Variants in GLIS3 observed in about 807,000 individuals in gnomAD.
GLIS3 encodes zinc finger protein GLIS3.
In GLIS3, 53 loss-of-function variants were observed where a neutral mutation model predicts 78.6. The ratio of observed to expected loss-of-function variants is 0.67; its 90% CI spans 0.54 to 0.85. GLIS3 has a LOEUF of 0.85. Among genes scored for constraint, GLIS3 ranks in the 40% least tolerant of loss-of-function variants. GLIS3 has a pLI of 0.00. For synonymous variants in GLIS3, 684 were observed against 509.9 expected, an observed-to-expected ratio of 1.34 and a Z score of -4.60; for missense variants, 1,703 against 1,231.1, an observed-to-expected ratio of 1.38 and a Z score of -5.74.
chr9:4,008,717 C>A (rs1821754677), intron 4 of GLIS3, among the ~76,000 whole-genome samples: 1 of 152,126 alleles, frequency 6.6e-6, no homozygotes, highest in African/African-American at 2.4e-5. Flanking sequence ...GAGCCACAGG[C>A]TGGGAATCTG....
upstream of GLIS3, among the ~76,000 whole-genome samples, chr9:4,300,564 G>A (rs1817025559): frequency 6.6e-6 from 1 of 152,102 alleles, no homozygotes; most frequent in Non-Finnish European, 1.5e-5. Context: ...GTATAGGCAG[G>A]GAAGAGAGGA....
At chr9:4,203,392 G>T (rs987150915) in intron 2 of GLIS3, among the ~76,000 whole-genome samples, 5 of 152,184 alleles carry the variant, frequency 3.3e-5, no homozygotes, top group African/African-American at 1.2e-4. Context: ...ATGCAATTTC[G>T]TTTAGCAACT....
At chr9:4,168,700 G>A (rs144597062) in intron 2 of GLIS3, among the ~76,000 whole-genome samples, 1,565 of 152,234 alleles carry the variant, frequency 0.01, 8 homozygotes, top group Non-Finnish European at 0.015. Flanking sequence ...TGTTGTAACT[G>A]TCCTCCAAAC....
the GLIS3 span, among the ~76,000 whole-genome samples, chr9:4,365,424 G>A: frequency 6.6e-6 from 1 of 152,118 alleles, no homozygotes; most frequent in South Asian, 2.1e-4. Flanking sequence ...TGGCATGGTG[G>A]CGGGTGCCTA....
chr9:4,361,463 A>G, the GLIS3 span, among the ~76,000 whole-genome samples: 2 of 152,246 alleles, frequency 1.3e-5, no homozygotes, highest in African/African-American at 4.8e-5. Flanking sequence ...AACAGTTCAT[A>G]TAAATACAAT....
chr9:4,385,020 C>T, the GLIS3 span, among the ~76,000 whole-genome samples: 33 of 152,316 alleles, frequency 2.2e-4, no homozygotes, highest in African/African-American at 7.7e-4. Flanking sequence ...GCAGATGCCT[C>T]AGCCTTTTAG....
intron 4 of GLIS3, among the ~76,000 whole-genome samples, chr9:3,946,676 G>A (rs1816315838): frequency 6.6e-6 from 1 of 152,166 alleles, no homozygotes; most frequent in African/African-American, 2.4e-5. Flanking sequence ...AACAACTTGT[G>A]AAGTAAGTGA....
At chr9:4,234,991 T>C (rs546143949) in intron 2 of GLIS3, among the ~76,000 whole-genome samples, 2 of 152,176 alleles carry the variant, frequency 1.3e-5, no homozygotes, top group African/African-American at 4.8e-5. Flanking sequence ...TGCACCTCAC[T>C]GGACTTAATA....
At chr9:4,294,994 AGTTTAATTACAG>A (rs1346782110) in intron 1 of GLIS3, among the ~76,000 whole-genome samples, 1 of 152,224 alleles carries the variant, frequency 6.6e-6, no homozygotes, top group Non-Finnish European at 1.5e-5. Flanking sequence ...TTATGGAACC[AGTTTAATTACAG>A]TTGCATGTTT....
intron 4 of GLIS3, among the ~76,000 whole-genome samples, chr9:4,086,929 T>A (rs187743642): frequency 1.3e-5 from 2 of 152,308 alleles, no homozygotes; most frequent in South Asian, 2.1e-4. Context: ...GTCCTCCACA[T>A]TGGACCTTGA....
the GLIS3 span, among the ~76,000 whole-genome samples, chr9:4,481,558 T>A: frequency 6.6e-6 from 1 of 151,802 alleles, no homozygotes; most frequent in Non-Finnish European, 1.5e-5. Flanking sequence ...TTTTCCAGTG[T>A]AATTCATTTC....
chr9:3,962,928 A>C (rs1448050376), intron 4 of GLIS3, among the ~76,000 whole-genome samples: 3 of 142,172 alleles, frequency 2.1e-5, no homozygotes, highest in Non-Finnish European at 4.6e-5. Flanking sequence ...AATGTCCAAC[A>C]AGATCTGCTG....
At chr9:3,971,638 G>A (rs1242601842) in intron 4 of GLIS3, among the ~76,000 whole-genome samples, 1 of 152,064 alleles carries the variant, frequency 6.6e-6, no homozygotes, top group Non-Finnish European at 1.5e-5. Context: ...CTAACCCACG[G>A]TACACACAGT....
At chr9:3,872,427 G>A (rs1195744493) in intron 8 of GLIS3, among the ~76,000 whole-genome samples, 5 of 152,150 alleles carry the variant, frequency 3.3e-5, no homozygotes, top group African/African-American at 4.8e-5. Flanking sequence ...CCAAGACTGG[G>A]CAATTTACAA....
At chr9:4,064,422 A>G (rs1256734291) in intron 4 of GLIS3, among the ~76,000 whole-genome samples, 1 of 152,248 alleles carries the variant, frequency 6.6e-6, no homozygotes, top group Non-Finnish European at 1.5e-5. Context: ...CACAGAAATG[A>G]TACTTACATA....
rs145781852 is a variant in GLIS3 at position 3,897,349 on chromosome 9, C to G, written c.2128+1342G>C. 4.9e-3 allele frequency among the ~76,000 whole-genome samples: 742 copies of G among 152,134 alleles called. 3 individuals carry two copies. Among genetic ancestry groups the G allele is most frequent in the Middle Eastern group, 0.027 (8 of 294 alleles). ...TTTATAGGCTGTTTAAAATTGTTTG[C>G]TAATTTAATGTGCTGAAATAAATGT... On this transcript the variant is annotated intron_variant, in intron 7 of 10. Transcript: ENST00000381971.
In GLIS3 at chr9:4,286,408, G is replaced by C; in HGVS notation, c.18C>G (p.Cys6Trp). The C allele has an allele frequency of 1.9e-6, 3 of 1,614,086 alleles. No individual in the cohort carries two copies. Among genetic ancestry groups the C allele is most frequent in the South Asian group, 1.1e-5 (1 of 91,070 alleles). MNGRS[C>W]SMSLHRTSGT... Reference sequence around the variant, plus strand: ...CCGATGTCCGGTGGAGACTCATGCTGCATGATCTTCCATTCATTCTGAAAA... The same window carrying C: ...CCGATGTCCGGTGGAGACTCATGCTCCATGATCTTCCATTCATTCTGAAAA... Residue 6 changes from cysteine (C) to tryptophan (W), a missense_variant, in exon 2 of 11, where the codon TGC becomes TGG. By Grantham distance (215) the Cys-to-Trp change is radical. Coordinates refer to ENST00000381971, the MANE Select transcript of GLIS3 (RefSeq NM_001042413.2).
At chr9:4,355,312 T>G in the GLIS3 span, among the ~76,000 whole-genome samples, 1 of 152,142 alleles carries the variant, frequency 6.6e-6, no homozygotes, top group Non-Finnish European at 1.5e-5. Context: ...AGGTTGGCTT[T>G]GTGTAAACTT....
At chr9:4,154,176 G>C (rs1450308979) in intron 2 of GLIS3, among the ~76,000 whole-genome samples, 1 of 152,184 alleles carries the variant, frequency 6.6e-6, no homozygotes, top group African/African-American at 2.4e-5. Context: ...AACAGATGTA[G>C]CATCACTTCT....
Sources: gnomAD v4.1 joint callset for allele counts (sites outside exome capture counted in the v4.1 genomes callset) on GRCh38, gnomAD v4.1.1 for gene constraint, MANE v1.5 for transcripts, NCBI Gene and HGNC (gene_info 2026-07-23, HGNC 2026-07-21) for gene names.